The following POLR3B variants were observed in gnomAD, a reference collection of about 807,000 sequenced individuals.
The protein encoded by POLR3B is DNA-directed RNA polymerase III subunit RPC2.
A neutral mutation model predicts 147.4 loss-of-function variants in POLR3B; 96 were observed. The ratio of observed to expected loss-of-function variants is 0.65; its 90% confidence interval spans 0.55 to 0.77. POLR3B has a LOEUF of 0.77. POLR3B is among the 30% of genes least tolerant of loss of function. POLR3B has a pLI of 0.00. For synonymous variants in POLR3B, 461 were observed against 485.9 expected (o/e 0.95, Z 0.67); for missense variants, 1,036 against 1,413.5 (o/e 0.73, Z 4.28).
intron 10 of POLR3B, among the ~76,000 whole-genome samples, chr12:106,395,579 C>T (rs990499459): frequency 2.0e-5 from 3 of 152,140 alleles, no homozygotes; most frequent in Non-Finnish European, 4.4e-5. Context: ...TACAATTTGA[C>T]GTGAGGTTTG....
chr12:106,430,033 G>C (rs547202397), intron 13 of POLR3B, among the ~76,000 whole-genome samples: 1 of 152,142 alleles, frequency 6.6e-6, no homozygotes, highest in African/African-American at 2.4e-5. Context: ...AAGGTTATGC[G>C]TCGAATAATT....
In POLR3B at chr12:106,357,944, C is replaced by T; in HGVS notation, c.65C>T (p.Thr22Ile). 6.2e-7 allele frequency: 1 copy of T among 1,612,918 alleles called. No homozygotes were observed. Among genetic ancestry groups the T allele is most frequent in the Non-Finnish European group, 8.5e-7 (1 of 1,179,932 alleles). Reference protein sequence around the residue: ...TPEQLAAPIPTVEEKWRLLPA... With the variant: ...TPEQLAAPIPIVEEKWRLLPA... The stretch of plus-strand genomic sequence containing the variant: ...GAGCAGCTGGCGGCGCCGATCCCGA[C>T]TGTAGAGGTCAGTGCCAGGCACGCA... The change falls in exon 1 of 28, where the codon ACT becomes ATT. Residue 22 changes from threonine (T) to isoleucine (I), a missense_variant. This residue lies in a region of POLR3B where 150 missense variants were observed against 145.5 expected (regional missense o/e 1.03). Coordinates refer to ENST00000228347, the MANE Select transcript of POLR3B (RefSeq NM_018082.6).
At chr12:106,461,126 G>A (rs746909412) in intron 22 of POLR3B, among the ~76,000 whole-genome samples, 33 of 151,576 alleles carry the variant, frequency 2.2e-4, no homozygotes, top group Admixed American at 2.6e-4. Context: ...ATGGAGTCTC[G>A]CACTGTCATC....
At chr12:106,423,340 C>T (rs901124575) in intron 12 of POLR3B, among the ~76,000 whole-genome samples, 4 of 152,102 alleles carry the variant, frequency 2.6e-5, no homozygotes, top group African/African-American at 9.7e-5. Flanking sequence ...TTTTTCACAC[C>T]TTTTCACACA....
At chr12:106,412,571 T>A (rs2037242457) in intron 12 of POLR3B, among the ~76,000 whole-genome samples, 1 of 152,220 alleles carries the variant, frequency 6.6e-6, no homozygotes, top group Non-Finnish European at 1.5e-5. Context: ...CCTCAGTTTC[T>A]TTCTGCTTCC....
chr12:106,364,815 G>A (rs903176843), intron 2 of POLR3B, among the ~76,000 whole-genome samples: 1 of 152,214 alleles, frequency 6.6e-6, no homozygotes, highest in Non-Finnish European at 1.5e-5. Flanking sequence ...AATCTTGAAA[G>A]CATTGTGCTA....
At chr12:106,394,972 A>G (rs1565882711) in intron 10 of POLR3B, among the ~76,000 whole-genome samples, 1 of 152,260 alleles carries the variant, frequency 6.6e-6, no homozygotes, top group East Asian at 1.9e-4. Flanking sequence ...TTCAAAATGA[A>G]GATGTAGTAA....
intron 25 of POLR3B, chr12:106,499,987 A>C: frequency 2.4e-6 from 1 of 423,610 alleles, no homozygotes; most frequent in Admixed American, 2.7e-5. Context: ...GCTGTACCCC[A>C]GAGTTTACTT....
rs71072675 is a variant in POLR3B at position 106,405,539 on chromosome 12, T to TACAC, written c.847-280_847-277dup. 0.12 allele frequency among the ~76,000 whole-genome samples: 17,522 copies of TACAC among 142,458 alleles called. 1,125 individuals carry two copies. The highest frequency in any genetic ancestry group is 0.15 in the African/African-American group (6,031 of 39,056). 93.5% of individuals were successfully genotyped at this position (142,458 alleles called of 152,430 possible). On this transcript the variant is annotated intron_variant, in intron 10 of 27. Coordinates refer to ENST00000228347, the MANE Select transcript of POLR3B (RefSeq NM_018082.6). ...GAAGGACTGATGGCTGCTATATGTC[T>TACAC]ACACACACACACACACACACACACA...
intron 23 of POLR3B, among the ~76,000 whole-genome samples, chr12:106,472,896 T>C (rs1298968893): frequency 7.3e-6 from 1 of 137,842 alleles, no homozygotes; most frequent in East Asian, 1.9e-4. Context: ...TTTTGGCTTT[T>C]GTTGCCATTG....
intron 10 of POLR3B, among the ~76,000 whole-genome samples, chr12:106,394,047 C>T (rs541967006): frequency 6.6e-6 from 1 of 152,240 alleles, no homozygotes; most frequent in African/African-American, 2.4e-5. Flanking sequence ...CTCTGGGCTG[C>T]TTTTTTCTCT....
intron 13 of POLR3B, among the ~76,000 whole-genome samples, chr12:106,430,003 G>A (rs533987993): frequency 6.6e-6 from 1 of 152,296 alleles, no homozygotes; most frequent in East Asian, 1.9e-4. Flanking sequence ...TTCCTCAGAA[G>A]GTGAGTGCTC....
At chr12:106,368,817 C>A (rs1315752660) in intron 4 of POLR3B, among the ~76,000 whole-genome samples, 4 of 152,168 alleles carry the variant, frequency 2.6e-5, no homozygotes, top group African/African-American at 9.7e-5. Flanking sequence ...CCACCCTGTT[C>A]CCAGCCACTC....
intron 23 of POLR3B, among the ~76,000 whole-genome samples, chr12:106,468,646 A>T (rs147000882): frequency 0.031 from 4,666 of 152,110 alleles, 92 homozygotes; most frequent in Non-Finnish European, 0.043. Context: ...TGTTGTGTCT[A>T]TGTTCTCATT....
chr12:106,408,506 G>A lies in POLR3B; in HGVS notation c.967-2320G>A, dbSNP rs1593024397. Among the ~76,000 whole-genome samples, 5 of 152,264 alleles carry A rather than the reference G, an allele frequency of 3.3e-5. No homozygotes were observed. The South Asian group carries it at 1.0e-3, about 32-fold the overall frequency. On this transcript the variant is annotated intron_variant, in intron 11 of 27. Coordinates refer to ENST00000228347, the MANE Select transcript of POLR3B (RefSeq NM_018082.6). ...GTCCCGGTAATCTGTGTCTTAACAA[G>A]CCCTCCAGATGATTCTAGTGCATGC...
intron 4 of POLR3B, among the ~76,000 whole-genome samples, chr12:106,367,482 A>G (rs565910203): frequency 1.3e-5 from 2 of 152,318 alleles, no homozygotes; most frequent in African/African-American, 4.8e-5. Context: ...TGTTATGTTT[A>G]GTTGTCTTGT....
Position 106,478,800 on chromosome 12 carries a change from A to C in POLR3B, c.2713+15180A>C, listed in dbSNP as rs1451306014. Among the ~76,000 whole-genome samples, 5 of 151,344 alleles carry C rather than the reference A, an allele frequency of 3.3e-5. No homozygotes were observed. In the East Asian group the frequency reaches 5.8e-4, roughly 18 times the overall value. On this transcript the variant is annotated intron_variant, in intron 23 of 27. Coordinates refer to ENST00000228347, the MANE Select transcript of POLR3B (RefSeq NM_018082.6). ...CAGAACAAGAAAGGGTTCTTTGTAC[A>C]AAAAAAAACCATCAGTCCTTGTCTC...
chr12:106,374,598 T>C (rs1422303971), intron 6 of POLR3B, among the ~76,000 whole-genome samples: 1 of 151,724 alleles, frequency 6.6e-6, no homozygotes, highest in Non-Finnish European at 1.5e-5. Context: ...CACTGCAACC[T>C]CCGCCTCCCA....
intron 2 of POLR3B, among the ~76,000 whole-genome samples, chr12:106,364,169 A>C (rs964030617): frequency 6.6e-6 from 1 of 152,212 alleles, no homozygotes; most frequent in Non-Finnish European, 1.5e-5. Flanking sequence ...CAAAAGAGCA[A>C]TGGTCAGAGA....
Sources: allele counts gnomAD v4.1 joint callset (sites outside exome capture counted in the v4.1 genomes callset), GRCh38; gene constraint gnomAD v4.1.1; regional missense constraint gnomAD v4.1.1; transcripts MANE v1.5; gene names NCBI Gene and HGNC (gene_info 2026-07-23, HGNC 2026-07-21).